The following LLGL2 variants were observed in gnomAD, a reference collection of about 807,000 sequenced individuals.
LLGL2 encodes the protein LLGL scribble cell polarity complex component 2.
In LLGL2, 81 loss-of-function variants were observed where a neutral mutation model predicts 123.2. That is an observed-to-expected ratio of 0.66 (90% CI 0.55 to 0.79). The LOEUF (loss-of-function observed/expected upper bound fraction) is 0.79, where lower values mean the gene tolerates loss of function less well. Ranked by LOEUF, LLGL2 falls within the 30% of genes least tolerant of loss-of-function variation. LLGL2 has a pLI of 0.00. For synonymous variants in LLGL2, 577 were observed against 594.1 expected, an observed-to-expected ratio of 0.97 and a Z score of 0.42; for missense variants, 1,273 against 1,414.6, an observed-to-expected ratio of 0.90 and a Z score of 1.61.
Position 75,570,362 on chromosome 17 carries a change from C to T in LLGL2, c.1889C>T (p.Pro630Leu). Residue 630 changes from proline to leucine, a missense_variant, in exon 16 of 26, where the codon CCC (proline) becomes CTC (leucine). Physicochemically the swap from Pro to Leu is moderately conservative, Grantham distance 98. Coordinates refer to ENST00000392550, the MANE Select transcript of LLGL2 (RefSeq NM_001031803.2). ...ATCCCCCCAAGGTGCACACTGCACC[C>T]CAGTGACCAGCTGGCCTTGGAGGGC... ...RQVFVKCTLHPSDQLALEGPL... is the reference protein window; with the variant it reads ...RQVFVKCTLHLSDQLALEGPL... 1 of 1,612,022 alleles carries T rather than the reference C, an allele frequency of 6.2e-7. No homozygotes were observed. The highest frequency in any genetic ancestry group is 8.5e-7 in the Non-Finnish European group (1 of 1,179,548).
rs983747421 is a variant in LLGL2 at position 75,549,615 on chromosome 17, A to G, written c.75+6114A>G. Among the ~76,000 whole-genome samples the G allele has an allele frequency of 3.9e-5, 6 of 152,236 alleles. No individual in the cohort carries two copies. The highest frequency in any genetic ancestry group is 1.3e-4 in the Admixed American group (2 of 15,288). On this transcript the variant is annotated intron_variant, in intron 2 of 25. Transcript: ENST00000392550. This position sits in a 1 kb window ranked among gnomAD's most constrained non-coding sequence, Gnocchi z 4.0. ...GGCCAGGCTGCCGCCACTGCCAGGA[A>G]TCTGAGCTGGCCACACCCAGCCAGT...
chr17:75,558,322 G>A lies in LLGL2; in HGVS notation c.255+86G>A. On this transcript the variant is annotated intron_variant, in intron 4 of 25. Coordinates refer to ENST00000392550, the MANE Select transcript of LLGL2 (RefSeq NM_001031803.2). This position sits in a 1 kb window ranked among gnomAD's most constrained non-coding sequence, Gnocchi z 4.0. ...CAGCAGGGCTGGTGTGGAGAGGCTG[G>A]CATTCGGTGGCCCTGGGTTTGCTGC... is the stretch of plus-strand genomic sequence containing the variant. 1 of 1,368,350 alleles carries A rather than the reference G, an allele frequency of 7.3e-7. No individual in the cohort carries two copies. Among genetic ancestry groups the A allele is most frequent in the Non-Finnish European group, 1.0e-6 (1 of 983,754 alleles). 84.8% of individuals were successfully genotyped at this position (1,368,350 alleles called of 1,614,324 possible).
intron 19 of LLGL2, among the ~76,000 whole-genome samples, 155 bp downstream of exon 19, chr17:75,572,219 G>A (rs1017123761): frequency 4.6e-5 from 7 of 152,144 alleles, no homozygotes; most frequent in Non-Finnish European, 7.4e-5. Flanking sequence ...GGGGAGTCTC[G>A]TGTGAGGACA....
intron 1 of LLGL2, among the ~76,000 whole-genome samples, chr17:75,527,667 A>G (rs1005652379): frequency 2.0e-5 from 3 of 151,776 alleles, no homozygotes; most frequent in African/African-American, 4.8e-5. Context: ...ATCTCACCAT[A>G]TGTTGCCCAG....
intron 10 of LLGL2, among the ~76,000 whole-genome samples, chr17:75,565,285 T>A (rs1052911588): frequency 3.8e-4 from 58 of 152,284 alleles, no homozygotes; most frequent in African/African-American, 1.4e-3. Flanking sequence ...TGTTGAAACC[T>A]GGAGAGGAGC....
chr17:75,529,642 C>T (rs1389154596), intron 1 of LLGL2, among the ~76,000 whole-genome samples: 1 of 151,938 alleles, frequency 6.6e-6, no homozygotes, highest in Non-Finnish European at 1.5e-5. Context: ...GCAGACGGAT[C>T]ATGAGGTCAG....
chr17:75,558,049 C>A lies in LLGL2; in HGVS notation c.174-106C>A. 9.2e-7 allele frequency: 1 copy of A among 1,082,440 alleles called. No individual in the cohort carries two copies. Among genetic ancestry groups the A allele is most frequent in the Non-Finnish European group, 1.4e-6 (1 of 700,672 alleles). The allele number at this position is 1,082,440 out of a possible 1,614,324, so 67.1% of individuals were successfully genotyped here. On this transcript the variant is annotated intron_variant, in intron 3 of 25. Transcript: ENST00000392550. This position sits in a 1 kb window ranked among gnomAD's most constrained non-coding sequence, Gnocchi z 4.0. ...TCCTGCTGCCTCGGGGGAGGGCAGC[C>A]CCTCTCTGTGTTTGCATCATTGCAC...
rs1207193894 is a variant in LLGL2 at position 75,557,990 on chromosome 17, G to T, written c.174-165G>T. On this transcript the variant is annotated intron_variant, in intron 3 of 25. Transcript: ENST00000392550. ...CTGGTGCCCCAGGGCCAGGGCTGCTGTGTCTCCTCCCCACCCTAGGCTCCA... is the reference window on the plus strand; with the variant it reads ...CTGGTGCCCCAGGGCCAGGGCTGCTTTGTCTCCTCCCCACCCTAGGCTCCA... The T allele has an allele frequency of 4.0e-6, 3 of 757,890 alleles. No individual in the cohort carries two copies. In the African/African-American group the frequency reaches 5.1e-5, roughly 13 times the overall value. The allele number at this position is 757,890 out of a possible 1,614,324, so 46.9% of individuals were successfully genotyped here.
rs753094004 is a variant in LLGL2 at position 75,574,289 on chromosome 17, G to C, written c.2953+29G>C. 1.0e-4 allele frequency: 91 copies of C among 879,548 alleles called. 1 individual carries two copies. The highest frequency in any genetic ancestry group is 3.5e-4 in the Middle Eastern group (1 of 2,898). 54.5% of individuals were successfully genotyped at this position (879,548 alleles called of 1,614,324 possible). A position where few individuals can be genotyped will look rare whatever the true frequency, so the allele number is the denominator to read the frequency against. On this transcript the variant is annotated intron_variant, in intron 23 of 25. Transcript: ENST00000392550. ...AGTTGGGTGGGAGAGGGTGGGGCTG[G>C]CAGGAGGGGTGGGGAAGGGGGGTCA...
In LLGL2 at chr17:75,527,369, C is replaced by T. The variant is rs544682967; in HGVS notation, c.-31+1544C>T. Among the ~76,000 whole-genome samples the T allele has an allele frequency of 6.4e-4, 97 of 152,198 alleles. No individual in the cohort carries two copies. The South Asian group carries it at 0.011, about 18-fold the overall frequency. On this transcript the variant is annotated intron_variant, in intron 1 of 25. Transcript: ENST00000392550. ...AGCTCTTAAGCTTCTAATCAGAGTT[C>T]ACTCCTTTCCTCTGAAGTTAGACTG...
chr17:75,536,548 C>A (rs897688471), intron 1 of LLGL2, among the ~76,000 whole-genome samples: 1 of 152,166 alleles, frequency 6.6e-6, no homozygotes, highest in African/African-American at 2.4e-5. Context: ...GAGAGGAGCC[C>A]ACGCCTGGTG....
At chr17:75,541,337 C>T (rs1488722436) in intron 1 of LLGL2, among the ~76,000 whole-genome samples, 2 of 152,244 alleles carry the variant, frequency 1.3e-5, no homozygotes, top group African/African-American at 4.8e-5. Context: ...GGTGTGAGCC[C>T]TCCAGGAGTC....
At chr17:75,567,952 A>C in intron 10 of LLGL2, 1 of 444,412 alleles carries the variant, frequency 2.3e-6, no homozygotes, top group Non-Finnish European at 2.8e-6. Context: ...CGAGAAAAGA[A>C]AAAAAAAAAA....
chr17:75,568,938 G>A, intron 12 of LLGL2, 40 bp from the exon 13 acceptor site: 2 of 1,592,430 alleles, frequency 1.3e-6, no homozygotes, highest in Non-Finnish European at 1.7e-6. Context: ...CATCCCGGCT[G>A]GCATCCCTCT....
chr17:75,574,578 A>AG (rs1415051082), intron 24 of LLGL2, 32 bp from the exon 25 acceptor site: 1 of 1,609,598 alleles, frequency 6.2e-7, no homozygotes, highest in Non-Finnish European at 8.5e-7. Context: ...GAGGTCCCTG[A>AG]GGCCATGACT....
In LLGL2 at chr17:75,570,090, C is replaced by G. The variant is rs542765521; in HGVS notation, c.1709C>G (p.Pro570Arg). 2 of 1,610,836 alleles carry G rather than the reference C, an allele frequency of 1.2e-6. No individual in the cohort carries two copies. The highest frequency in any genetic ancestry group is 1.3e-5 in the African/African-American group (1 of 75,030). Residue 570 changes from proline (P) to arginine (R), a missense_variant, in exon 15 of 26, where the codon CCC (proline) becomes CGC (arginine). Physicochemically the swap from Pro to Arg is moderately radical, Grantham distance 103. Transcript: ENST00000392550. ...GAGCGCCTGGCAGCCCGCTCAGGGC[C>G]CGTGCGCTTTGAGCCTGGCTTTCAG... ...GHERLAARSGPVRFEPGFQPF... is the reference protein window; with the variant it reads ...GHERLAARSGRVRFEPGFQPF...
rs1397577262 is a variant in LLGL2 at position 75,544,122 on chromosome 17, G to T, written c.75+621G>T. 6.6e-6 allele frequency among the ~76,000 whole-genome samples: 1 copy of T among 152,206 alleles called. No individual in the cohort carries two copies. Among genetic ancestry groups the T allele is most frequent in the Non-Finnish European group, 1.5e-5 (1 of 68,030 alleles). ...AGGCCCACGGGGCTTCCCTTCAGGA[G>T]TCTGGGGCCTGAGAAGGTCAGGACG... On this transcript the variant is annotated intron_variant, in intron 2 of 25. Coordinates refer to ENST00000392550, the MANE Select transcript of LLGL2 (RefSeq NM_001031803.2). This position sits in a 1 kb window ranked among gnomAD's most constrained non-coding sequence, Gnocchi z 4.2.
At chr17:75,547,103 A>G (rs1041504827) in intron 2 of LLGL2, among the ~76,000 whole-genome samples, 3 of 152,106 alleles carry the variant, frequency 2.0e-5, no homozygotes, top group Non-Finnish European at 4.4e-5. Context: ...TTTTTGTCCA[A>G]CACCTTTTGG....
chr17:75,562,979 G>A, intron 6 of LLGL2, 37 bp from the exon 7 acceptor site: 1 of 1,604,510 alleles, frequency 6.2e-7, no homozygotes, highest in Admixed American at 1.7e-5. Context: ...CCCCCTGGTG[G>A]ACGGCATCGG....
Sources: gnomAD v4.1 joint callset for allele counts (sites outside exome capture counted in the v4.1 genomes callset) on GRCh38, gnomAD v4.1.1 for gene constraint, Gnocchi (gnomAD v3.1) non-coding constraint, MANE v1.5 for transcripts, NCBI Gene and HGNC (gene_info 2026-07-23, HGNC 2026-07-21) for gene names.